The following MED13L variants were observed in gnomAD, a reference collection of about 807,000 sequenced individuals.
The protein encoded by MED13L is mediator of RNA polymerase II transcription subunit 13-like.
A neutral mutation model predicts 220.9 loss-of-function variants in MED13L; 7 were observed. The observed-to-expected ratio is 0.03, with a 90% CI of 0.02 to 0.06. The LOEUF (loss-of-function observed/expected upper bound fraction) is 0.06. Ranked by LOEUF, MED13L falls within the 10% of genes least tolerant of loss-of-function variation. The pLI is 1.00. For missense variants in MED13L, 1,965 were observed against 2,760.5 expected, an observed-to-expected ratio of 0.71 and a Z score of 6.46; for synonymous variants, 1,011 against 1,015.2, an observed-to-expected ratio of 1.00 and a Z score of 0.08.
chr12:116,052,771 A>G (rs1172068505), intron 4 of MED13L, among the ~76,000 whole-genome samples: 3 of 152,220 alleles, frequency 2.0e-5, no homozygotes, highest in Non-Finnish European at 4.4e-5. Flanking sequence ...GGGAAGAGGA[A>G]GCAGGGGAAC....
intron 4 of MED13L, among the ~76,000 whole-genome samples, chr12:116,090,537 T>C (rs1007082009): frequency 4.6e-5 from 7 of 152,194 alleles, no homozygotes; most frequent in Admixed American, 1.3e-4. Context: ...TATGGATATA[T>C]ACAGAGACAT....
At chr12:116,024,881 T>C (rs1262935510) in intron 4 of MED13L, among the ~76,000 whole-genome samples, 2 of 150,418 alleles carry the variant, frequency 1.3e-5, no homozygotes, top group Non-Finnish European at 3.0e-5. Context: ...TTGAAGACAC[T>C]ATTCTTTCCT....
rs1592915078 is a variant in MED13L, at chr12:115,983,534, T to A, written c.4538A>T (p.Tyr1513Phe). Residue 1513 changes from tyrosine to phenylalanine, a missense_variant, in exon 21 of 31, where the codon TAT becomes TTT. Tyr to Phe is a conservative substitution (Grantham distance 22). Transcript: ENST00000281928. ...AQVCRHHLAPYLATLQLDSSL... is the reference protein window; with the variant it reads ...AQVCRHHLAPFLATLQLDSSL... ...GCTATCAAGCTGCAGAGTGGCTAAATAAGGTGCTGAAAGAATACATGCAAA... is the reference window on the plus strand; with the variant it reads ...GCTATCAAGCTGCAGAGTGGCTAAAAAAGGTGCTGAAAGAATACATGCAAA... 6.2e-7 allele frequency: 1 copy of A among 1,614,044 alleles called. No homozygotes were observed. Among genetic ancestry groups the A allele is most frequent in the Non-Finnish European group, 8.5e-7 (1 of 1,180,000 alleles).
chr12:115,974,031 T>C (rs887793114), intron 25 of MED13L, among the ~76,000 whole-genome samples: 4 of 151,362 alleles, frequency 2.6e-5, no homozygotes, highest in African/African-American at 9.7e-5. Context: ...ATACCTGATG[T>C]GAATTTCCTA....
chr12:116,276,745 G>T, intron 1 of MED13L: 1 of 1,281,896 alleles, frequency 7.8e-7, no homozygotes, highest in Non-Finnish European at 1.0e-6. Context: ...GGAGGAGAAG[G>T]GGAGTGCGAT....
intron 4 of MED13L, among the ~76,000 whole-genome samples, chr12:116,068,465 G>A (rs1032456339): frequency 6.6e-6 from 1 of 152,254 alleles, no homozygotes; most frequent in Middle Eastern, 3.4e-3. Context: ...CACTGTTTAG[G>A]ATTTCCAAAA....
chr12:115,992,301 T>A (rs1356573728), intron 16 of MED13L, among the ~76,000 whole-genome samples: 2 of 152,204 alleles, frequency 1.3e-5, no homozygotes, highest in East Asian at 3.8e-4. Flanking sequence ...TTTGAAAAGT[T>A]AACTACTAAA....
intron 4 of MED13L, among the ~76,000 whole-genome samples, chr12:116,073,795 A>G (rs979836885): frequency 6.6e-6 from 1 of 152,186 alleles, no homozygotes; most frequent in Non-Finnish European, 1.5e-5. Flanking sequence ...GAGGGATGAT[A>G]TTATCTTCCG....
intron 4 of MED13L, among the ~76,000 whole-genome samples, chr12:116,086,552 G>T (rs1871709931): frequency 6.6e-6 from 1 of 152,028 alleles, no homozygotes; most frequent in Non-Finnish European, 1.5e-5. Flanking sequence ...AAAGTGCTAG[G>T]ATTACAGGCG....
intron 4 of MED13L, among the ~76,000 whole-genome samples, chr12:116,093,363 T>C (rs1872395141): frequency 6.6e-6 from 1 of 152,142 alleles, no homozygotes; most frequent in African/African-American, 2.4e-5. Context: ...AATTTCTATG[T>C]TTCTAAAACT....
intron 3 of MED13L, among the ~76,000 whole-genome samples, chr12:116,105,133 T>C (rs1397523222): frequency 6.6e-6 from 1 of 152,224 alleles, no homozygotes; most frequent in Non-Finnish European, 1.5e-5. Flanking sequence ...GAAAAATGAT[T>C]GCAGATTTTT....
At chr12:116,231,998 C>A in intron 2 of MED13L, 1 of 798,964 alleles carries the variant, frequency 1.3e-6, no homozygotes, top group Non-Finnish European at 1.5e-6. Flanking sequence ...CACACTCCTA[C>A]AAAATGCCCA....
intron 2 of MED13L, among the ~76,000 whole-genome samples, chr12:116,154,144 A>G (rs1459670729): frequency 2.6e-5 from 4 of 152,206 alleles, no homozygotes; most frequent in Admixed American, 6.5e-5. Flanking sequence ...CTCACACTCA[A>G]TGAAGCATTG....
chr12:115,994,422 C>T (rs1878267445), intron 16 of MED13L, among the ~76,000 whole-genome samples: 1 of 152,076 alleles, frequency 6.6e-6, no homozygotes, highest in Non-Finnish European at 1.5e-5. Context: ...TGTACTCCAG[C>T]CCAGGTGACA....
chr12:116,146,361 C>G (rs1877513730), intron 2 of MED13L, among the ~76,000 whole-genome samples: 1 of 151,998 alleles, frequency 6.6e-6, no homozygotes, highest in Non-Finnish European at 1.5e-5. Flanking sequence ...ACCTTGTGAT[C>G]TGCCAGCCTC....
chr12:116,161,806 T>C (rs1878872541), intron 2 of MED13L, among the ~76,000 whole-genome samples: 2 of 152,212 alleles, frequency 1.3e-5, no homozygotes, highest in Non-Finnish European at 2.9e-5. Flanking sequence ...TGTTTTAACC[T>C]GAGTAAATTC....
intron 1 of MED13L, among the ~76,000 whole-genome samples, chr12:116,268,246 T>C (rs1208261416): frequency 6.6e-6 from 1 of 152,194 alleles, no homozygotes; most frequent in Non-Finnish European, 1.5e-5. Flanking sequence ...ACTTCTTAAG[T>C]AGCATTGTGC....
rs148281690 is a variant in MED13L at position 116,131,356 on chromosome 12, C to T, written c.311-19844G>A. 2.0e-3 allele frequency among the ~76,000 whole-genome samples: 305 copies of T among 152,276 alleles called. 1 individual carries two copies. Among genetic ancestry groups the T allele is most frequent in the African/African-American group, 6.9e-3 (287 of 41,566 alleles). On this transcript the variant is annotated intron_variant, in intron 2 of 30. Coordinates refer to ENST00000281928, the MANE Select transcript of MED13L (RefSeq NM_015335.5). ...GGAAAGGCTGTATCAAGATTCAGCA[C>T]GCAAACTGTTCACCAGGTTGCACAG...
intron 4 of MED13L, among the ~76,000 whole-genome samples, chr12:116,023,447 C>T (rs536482505): frequency 8.5e-5 from 13 of 152,196 alleles, no homozygotes; most frequent in Middle Eastern, 3.4e-3. Flanking sequence ...ATCACTTTTA[C>T]TAAATAAAGC....
Sources: gnomAD v4.1 joint callset for allele counts (sites outside exome capture counted in the v4.1 genomes callset) on GRCh38, gnomAD v4.1.1 for gene constraint, MANE v1.5 for transcripts, NCBI Gene and HGNC (gene_info 2026-07-23, HGNC 2026-07-21) for gene names.